Variants in ZNF670 observed in about 807,000 individuals in gnomAD.
The protein encoded by ZNF670 is zinc finger protein 670.
ZNF670 carries 7 observed loss-of-function variants against 10.9 expected under a neutral mutation model. The observed-to-expected ratio is 0.64, with a 90% CI of 0.36 to 1.20. The LOEUF is 1.20. Among genes scored for constraint, ZNF670 ranks in the 50% most tolerant of loss-of-function variants. ZNF670 has a pLI of 0.02. For missense variants in ZNF670, 446 were observed against 458.6 expected (o/e 0.97, Z 0.25); for synonymous variants, 136 against 152.7 (o/e 0.89, Z 0.81).
At chr1:247,055,174 C>T (rs993696467) in intron 1 of ZNF670, among the ~76,000 whole-genome samples, 1 of 152,240 alleles carries the variant, frequency 6.6e-6, no homozygotes, top group African/African-American at 2.4e-5. Context: ...ACACCTTTGT[C>T]CTTTGTATAA....
Position 247,038,109 on chromosome 1 carries a change from C to T in ZNF670, c.510G>A (p.Lys170=), listed in dbSNP as rs770557201. Residue 170 remains lysine (K), a synonymous_variant, in exon 4 of 4, where the codon AAG becomes AAA. Transcript: ENST00000366503. ...MVTHTSNGPY[K]GPVYEKPFDF... ...CAAAAGGCTTCTCATACACTGGACCCTTATAAGGCCCATTACTAGTGTGTG... is the reference window on the plus strand; with the variant it reads ...CAAAAGGCTTCTCATACACTGGACCTTTATAAGGCCCATTACTAGTGTGTG... 11 of 1,614,024 alleles carry T rather than the reference C, an allele frequency of 6.8e-6. No homozygotes were observed. The highest frequency in any genetic ancestry group is 8.5e-6 in the Non-Finnish European group (10 of 1,180,006).
intron 1 of ZNF670, among the ~76,000 whole-genome samples, chr1:247,076,030 C>T (rs1438494281): frequency 6.6e-6 from 1 of 151,956 alleles, no homozygotes; most frequent in African/African-American, 2.4e-5. Context: ...CTGAATAAAA[C>T]ATATTTTAAA....
intron 1 of ZNF670, among the ~76,000 whole-genome samples, chr1:247,054,827 T>C (rs1156237606): frequency 6.6e-6 from 1 of 152,094 alleles, no homozygotes; most frequent in East Asian, 1.9e-4. Flanking sequence ...ATAATAATAA[T>C]AATGAGTTAT....
intron 1 of ZNF670, among the ~76,000 whole-genome samples, chr1:247,046,464 C>T (rs982407140): frequency 1.7e-4 from 26 of 152,296 alleles, no homozygotes; most frequent in African/African-American, 6.0e-4. Flanking sequence ...ACTTGGGCCA[C>T]GGTTCCAGAG....
chr1:247,041,000 A>G (rs1227061831), intron 1 of ZNF670, among the ~76,000 whole-genome samples: 1 of 152,186 alleles, frequency 6.6e-6, no homozygotes, highest in Non-Finnish European at 1.5e-5. Flanking sequence ...GTAAGCAGGA[A>G]TTTTGTATGT....
chr1:247,042,699 GAAAA>G, intron 1 of ZNF670: 1 of 331,600 alleles, frequency 3.0e-6, no homozygotes, highest in Non-Finnish European at 5.6e-6. Context: ...GTGAATTAAA[GAAAA>G]AAATGGAGAC....
chr1:247,045,670 T>G (rs6426209), intron 1 of ZNF670, among the ~76,000 whole-genome samples: 80,298 of 151,974 alleles, frequency 0.53, 22,382 homozygotes, highest in African/African-American at 0.67. Flanking sequence ...GAATAATACA[T>G]AAAATTGGCA....
At chr1:247,053,642 C>CA (rs898564524) in intron 1 of ZNF670, among the ~76,000 whole-genome samples, 10 of 151,658 alleles carry the variant, frequency 6.6e-5, no homozygotes, top group African/African-American at 2.2e-4. Context: ...TCTCAAAAAA[C>CA]AAAAAACAAA....
chr1:247,053,066 T>A (rs910165159), intron 1 of ZNF670, among the ~76,000 whole-genome samples: 6 of 152,030 alleles, frequency 3.9e-5, no homozygotes, highest in African/African-American at 1.4e-4. Flanking sequence ...GCCAGGGAAG[T>A]GGGAGAAAGC....
chr1:247,043,007 T>G lies in ZNF670; in HGVS notation c.4-3470A>C. On this transcript the variant is annotated intron_variant, in intron 1 of 3. Coordinates refer to ENST00000366503, the MANE Select transcript of ZNF670 (RefSeq NM_033213.5). ...GATCTGGAAAAGGAGATGCAGAAAG[T>G]GAATCCATACAAGATTGATATAGGT... is the stretch of plus-strand genomic sequence containing the variant. The G allele has an allele frequency of 6.4e-6, 5 of 786,718 alleles. No individual in the cohort carries two copies. In the South Asian group the frequency reaches 6.9e-5, roughly 11 times the overall value. The allele number at this position is 786,718 out of a possible 1,614,324, so 48.7% of individuals were successfully genotyped here.
chr1:247,071,096 A>C (rs887730144), intron 1 of ZNF670, among the ~76,000 whole-genome samples: 1 of 152,238 alleles, frequency 6.6e-6, no homozygotes, highest in Non-Finnish European at 1.5e-5. Flanking sequence ...ACTACCATTC[A>C]ACCCAGCAAT....
At chr1:247,068,543 C>G (rs1490166287) in intron 1 of ZNF670, among the ~76,000 whole-genome samples, 1 of 150,110 alleles carries the variant, frequency 6.7e-6, no homozygotes, top group Non-Finnish European at 1.5e-5. Context: ...AAAAAGGAAC[C>G]CTTGTACACT....
intron 1 of ZNF670, among the ~76,000 whole-genome samples, chr1:247,054,288 G>C (rs942148497): frequency 1.3e-5 from 2 of 152,204 alleles, no homozygotes; most frequent in African/African-American, 4.8e-5. Context: ...CAGAGGCAGA[G>C]GACTTAAAAG....
At chr1:247,076,503 G>A (rs574226712) in intron 1 of ZNF670, among the ~76,000 whole-genome samples, 7 of 152,068 alleles carry the variant, frequency 4.6e-5, no homozygotes, top group African/African-American at 1.7e-4. Context: ...TGATCCGCCC[G>A]CCTCGGCCTC....
In ZNF670 at chr1:247,078,585, C is replaced by T. The variant is rs374075733; in HGVS notation, c.3+9G>A. 1.3e-4 allele frequency: 207 copies of T among 1,613,960 alleles called. 2 individuals are homozygous for T. In the African/African-American group the frequency reaches 2.4e-3, roughly 19 times the overall value. On this transcript the variant is annotated intron_variant, in intron 1 of 3. Coordinates refer to ENST00000366503, the MANE Select transcript of ZNF670 (RefSeq NM_033213.5). ...TCCCCTTCCCGAGACACCTGGCCGG[C>T]ACACTCACCATTTCCCAGTCTCCGG...
intron 1 of ZNF670, among the ~76,000 whole-genome samples, chr1:247,039,926 C>A (rs1484807826): frequency 2.0e-5 from 3 of 152,194 alleles, no homozygotes; most frequent in Non-Finnish European, 4.4e-5. Context: ...CTTAGAAATA[C>A]CTGCTCACAA....
intron 1 of ZNF670, among the ~76,000 whole-genome samples, chr1:247,071,781 C>T (rs55929403): frequency 0.26 from 39,075 of 151,804 alleles, 5,952 homozygotes; most frequent in African/African-American, 0.41. Context: ...TTCATTAAAA[C>T]GTAAGAACTC....
chr1:247,060,674 C>A (rs570201930), intron 1 of ZNF670, among the ~76,000 whole-genome samples: 1 of 151,970 alleles, frequency 6.6e-6, no homozygotes, highest in Admixed American at 6.6e-5. Flanking sequence ...AAATAAAGTC[C>A]ATTAAATAAA....
rs560858141 is a variant in ZNF670 at position 247,069,284 on chromosome 1, C to T, written c.3+9310G>A. Among the ~76,000 whole-genome samples, 18 of 150,876 alleles carry T rather than the reference C, an allele frequency of 1.2e-4. No homozygotes were observed. The South Asian group carries it at 3.7e-3, about 31-fold the overall frequency. On this transcript the variant is annotated intron_variant, in intron 1 of 3. Transcript: ENST00000366503. ...CCTGTATCAAAACATCTCATGTAATCCATAGATATATACACCTTGTATGTC... is the reference window on the plus strand; with the variant it reads ...CCTGTATCAAAACATCTCATGTAATTCATAGATATATACACCTTGTATGTC...
Sources: allele counts gnomAD v4.1 joint callset (sites outside exome capture counted in the v4.1 genomes callset), GRCh38; gene constraint gnomAD v4.1.1; transcripts MANE v1.5; gene names NCBI Gene and HGNC (gene_info 2026-07-23, HGNC 2026-07-21).